The following GPATCH2 variants were observed in gnomAD, a reference collection of about 807,000 sequenced individuals.
GPATCH2 encodes G-patch domain containing 2.
A neutral mutation model predicts 58.0 loss-of-function variants in GPATCH2; 51 were observed. The ratio of observed to expected loss-of-function variants is 0.88; its 90% CI spans 0.70 to 1.11. GPATCH2 has a LOEUF of 1.11. GPATCH2 is among the 50% of genes most tolerant of loss of function. The probability of loss-of-function intolerance (pLI) is 0.00; values close to 1 mark genes in which losing one functional copy is unlikely to be tolerated. For missense variants in GPATCH2, 625 were observed against 652.2 expected, an observed-to-expected ratio of 0.96 and a Z score of 0.45; for synonymous variants, 222 against 218.5, an observed-to-expected ratio of 1.02 and a Z score of -0.14.
At chr1:217,487,492 C>T (rs1230141671) in intron 8 of GPATCH2, among the ~76,000 whole-genome samples, 3 of 148,484 alleles carry the variant, frequency 2.0e-5, no homozygotes, top group African/African-American at 7.5e-5. Context: ...ATGGCCCAAT[C>T]TTGGCTCACT....
chr1:217,540,569 AT>A (rs1664689414), intron 5 of GPATCH2, among the ~76,000 whole-genome samples: 2 of 152,160 alleles, frequency 1.3e-5, no homozygotes, highest in Non-Finnish European at 2.9e-5. Context: ...CAATAAAACC[AT>A]TTTTGTCAAC....
intron 5 of GPATCH2, among the ~76,000 whole-genome samples, chr1:217,523,781 G>C (rs1437872918): frequency 6.8e-6 from 1 of 146,168 alleles, no homozygotes; most frequent in East Asian, 2.2e-4. Context: ...CTCCCGGACG[G>C]GGCGGCTGGC....
intron 5 of GPATCH2, among the ~76,000 whole-genome samples, chr1:217,604,632 G>A (rs549817919): frequency 6.6e-5 from 10 of 152,132 alleles, no homozygotes; most frequent in Non-Finnish European, 1.2e-4. Flanking sequence ...TGAGGACATA[G>A]GCTGTATTTT....
intron 6 of GPATCH2, among the ~76,000 whole-genome samples, chr1:217,502,033 G>T (rs541062744): frequency 2.3e-4 from 35 of 151,660 alleles, no homozygotes; most frequent in Non-Finnish European, 4.4e-5. Context: ...GTGTGTGTGC[G>T]GGGGGAGCTA....
intron 6 of GPATCH2, among the ~76,000 whole-genome samples, chr1:217,501,635 T>A (rs1175600035): frequency 1.3e-5 from 2 of 152,146 alleles, no homozygotes; most frequent in Non-Finnish European, 2.9e-5. Flanking sequence ...TCAGCCAATC[T>A]GATAGATATG....
intron 5 of GPATCH2, among the ~76,000 whole-genome samples, chr1:217,525,232 C>T (rs1663829769): frequency 6.6e-6 from 1 of 151,910 alleles, no homozygotes; most frequent in Non-Finnish European, 1.5e-5. Flanking sequence ...CTTGCCTGCT[C>T]AAAATGGTTC....
At chr1:217,439,501 A>T (rs1208084261) in intron 9 of GPATCH2, among the ~76,000 whole-genome samples, 1 of 152,208 alleles carries the variant, frequency 6.6e-6, no homozygotes, top group Non-Finnish European at 1.5e-5. Flanking sequence ...AGCAGAAGAC[A>T]AGAAATAATT....
Position 217,431,290 on chromosome 1 carries a change from G to T in GPATCH2, c.1442C>A (p.Thr481Lys), listed in dbSNP as rs144680521. ...ATCTCGTCCAAGGCCTGACCCAGGC[G>T]TCCAGCCCATATTCTGAAGCATTCG... ...GNRMLQNMGW[T>K]PGSGLGRDGK... The change falls in exon 10 of 10, where the codon ACG becomes AAG. Residue 481 changes from threonine (T) to lysine (K), a missense_variant. Physicochemically the swap from Thr to Lys is moderately conservative, Grantham distance 78 (BLOSUM62 -1). Transcript: ENST00000366935. 85 of 1,607,410 alleles carry T rather than the reference G, an allele frequency of 5.3e-5. 1 individual carries two copies. In the South Asian group the frequency reaches 8.2e-4, roughly 16 times the overall value.
At chr1:217,577,825 G>C (rs1473031699) in intron 5 of GPATCH2, among the ~76,000 whole-genome samples, 1 of 151,910 alleles carries the variant, frequency 6.6e-6, no homozygotes, top group Non-Finnish European at 1.5e-5. Flanking sequence ...TCAGCTCATC[G>C]CAACCTCCGC....
chr1:217,475,565 C>A (rs1296117646), intron 8 of GPATCH2, among the ~76,000 whole-genome samples: 2 of 151,916 alleles, frequency 1.3e-5, no homozygotes, highest in Non-Finnish European at 2.9e-5. Context: ...AAACTGCCTC[C>A]AAATCTTCCA....
chr1:217,516,560 C>A (rs1253136308), intron 5 of GPATCH2, among the ~76,000 whole-genome samples: 1 of 152,128 alleles, frequency 6.6e-6, no homozygotes. Flanking sequence ...ATACAGTAAT[C>A]CATTTTCTAC....
chr1:217,607,871 T>C (rs548437017), intron 5 of GPATCH2, among the ~76,000 whole-genome samples: 9 of 152,218 alleles, frequency 5.9e-5, no homozygotes, highest in Non-Finnish European at 1.2e-4. Flanking sequence ...TATGCAGTCA[T>C]CATTCATCTG....
At chr1:217,466,493 G>A (rs566093386) in intron 8 of GPATCH2, among the ~76,000 whole-genome samples, 2 of 152,104 alleles carry the variant, frequency 1.3e-5, no homozygotes, top group East Asian at 1.9e-4. Flanking sequence ...CCTAAGTGCC[G>A]GGATTACAGT....
At chr1:217,469,484 A>G (rs1186713469) in intron 8 of GPATCH2, among the ~76,000 whole-genome samples, 1 of 152,152 alleles carries the variant, frequency 6.6e-6, no homozygotes, top group East Asian at 1.9e-4. Context: ...TATTTCTACA[A>G]AAAAAGCAAA....
chr1:217,476,472 C>T (rs372006562), intron 8 of GPATCH2, among the ~76,000 whole-genome samples: 20 of 152,118 alleles, frequency 1.3e-4, no homozygotes, highest in African/African-American at 4.6e-4. Flanking sequence ...GGAAAAGGCA[C>T]TGAAGAGGCA....
At chr1:217,627,676 T>G (rs1669533717) in intron 1 of GPATCH2, among the ~76,000 whole-genome samples, 1 of 152,006 alleles carries the variant, frequency 6.6e-6, no homozygotes, top group African/African-American at 2.4e-5. Flanking sequence ...TCTTTCCTCT[T>G]TACCATGGTT....
intron 5 of GPATCH2, among the ~76,000 whole-genome samples, chr1:217,532,877 CT>C (rs1308640256): frequency 7.4e-6 from 1 of 134,310 alleles, no homozygotes; most frequent in East Asian, 2.2e-4. Flanking sequence ...TGCTCTTTAT[CT>C]TTTTTTTGTT....
At position 217,502,961 on chromosome 1, in the gene GPATCH2, C is replaced by T. The variant is rs575875115; in HGVS notation, c.1167-4566G>A. ...GACTCTTAAGTTTATATTTATTCTA[C>T]CTGCCTGTTTAGGTACAAATCTCCA... On this transcript the variant is annotated intron_variant, in intron 6 of 9. Coordinates refer to ENST00000366935, the MANE Select transcript of GPATCH2 (RefSeq NM_018040.5). Among the ~76,000 whole-genome samples the T allele has an allele frequency of 2.0e-5, 3 of 152,208 alleles. No individual in the cohort carries two copies. The South Asian group carries it at 6.2e-4, about 32-fold the overall frequency.
At chr1:217,485,190 A>G (rs930663882) in intron 8 of GPATCH2, among the ~76,000 whole-genome samples, 1 of 152,088 alleles carries the variant, frequency 6.6e-6, no homozygotes, top group African/African-American at 2.4e-5. Flanking sequence ...GAGAATATGG[A>G]TCTCTCAGAT....
Sources: allele counts gnomAD v4.1 joint callset (sites outside exome capture counted in the v4.1 genomes callset), GRCh38; gene constraint gnomAD v4.1.1; transcripts MANE v1.5; gene names NCBI Gene and HGNC (gene_info 2026-07-23, HGNC 2026-07-21).